The following SEPSECS variants were observed in gnomAD, a reference collection of about 807,000 sequenced individuals.
SEPSECS encodes Sep (O-phosphoserine) tRNA:Sec (selenocysteine) tRNA synthase, also known as O-phosphoseryl-tRNA(Sec) selenium transferase.
SEPSECS carries 42 observed loss-of-function variants against 52.1 expected under a neutral mutation model. That is an observed-to-expected ratio of 0.81 (90% CI 0.63 to 1.04). The LOEUF (loss-of-function observed/expected upper bound fraction) is 1.04. Ranked by LOEUF, SEPSECS falls within the 50% of genes least tolerant of loss-of-function variation. The probability of loss-of-function intolerance (pLI) is 0.00; values close to 1 mark genes in which losing one functional copy is unlikely to be tolerated. For synonymous variants in SEPSECS, 216 were observed against 211.4 expected (o/e 1.02, Z -0.19); for missense variants, 590 against 610.6 (o/e 0.97, Z 0.36).
intron 5 of SEPSECS, among the ~76,000 whole-genome samples, chr4:25,154,117 G>A (rs1320875028): frequency 6.6e-6 from 1 of 152,052 alleles, no homozygotes; most frequent in African/African-American, 2.4e-5. Context: ...CAAAGCATAT[G>A]AAAAGTAATC....
At chr4:25,144,719 T>G in intron 8 of SEPSECS, 55 bp downstream of exon 8, 2 of 1,248,380 alleles carry the variant, frequency 1.6e-6, no homozygotes, top group Non-Finnish European at 1.2e-6. Flanking sequence ...ACACCAATGA[T>G]TTGGAGCACA....
At position 25,124,190 on chromosome 4, in the gene SEPSECS, C is replaced by T; in HGVS notation, c.1247G>A (p.Gly416Asp). Reference sequence around the variant, plus strand: ...TGACATAAAGCCTCTGAAAGTATAGCCACTCACAGTTTGCATGGACCCAAG... The same window carrying T: ...TGACATAAAGCCTCTGAAAGTATAGTCACTCACAGTTTGCATGGACCCAAG... The part of the protein sequence containing the change: ...VPLGSMQTVS[G>D]YTFRGFMSHT... The change falls in exon 11 of 11, where the codon GGC (glycine) becomes GAC (aspartate). Residue 416 changes from glycine to aspartate, a missense_variant. By Grantham distance (94) the Gly-to-Asp change is moderately conservative. Transcript: ENST00000382103. The T allele has an allele frequency of 6.2e-7, 1 of 1,613,476 alleles. No individual in the cohort carries two copies. The highest frequency in any genetic ancestry group is 8.5e-7 in the Non-Finnish European group (1 of 1,179,640).
Position 25,122,529 on chromosome 4 carries a change from C to T in SEPSECS, c.*1402G>A, listed in dbSNP as rs1340453076. On this transcript the variant is annotated 3_prime_UTR_variant, in exon 11 of 11. Transcript: ENST00000382103. ...CTCTTTGGATAAGGATATATTAAAA[C>T]TGGGTTATTTAGTGAAGGAATTCTT... 4.6e-5 allele frequency: 7 copies of T among 152,234 alleles called. No individual in the cohort carries two copies. Among genetic ancestry groups the T allele is most frequent in the African/African-American group, 1.7e-4 (7 of 41,546 alleles). 9.4% of individuals were successfully genotyped at this position (152,234 alleles called of 1,614,324 possible). A position where few individuals can be genotyped will look rare whatever the true frequency, so the allele number is the denominator to read the frequency against.
intron 8 of SEPSECS, among the ~76,000 whole-genome samples, chr4:25,138,670 A>C (rs945652525): frequency 7.9e-5 from 12 of 152,166 alleles, no homozygotes; most frequent in African/African-American, 2.2e-4. Flanking sequence ...AAATGCCATA[A>C]AATATTATCT....
At position 25,152,348 on chromosome 4, in the gene SEPSECS, AT is replaced by A. The variant is rs796519380; in HGVS notation, c.702-287del. Among the ~76,000 whole-genome samples, 8 of 152,110 alleles carry A rather than the reference AT, an allele frequency of 5.3e-5. No homozygotes were observed. The South Asian group carries it at 1.7e-3, about 31-fold the overall frequency. ...ATGATAAATCATTTTAAAATTAAAA[AT>A]TCCCTAAACAGAAAGCCAGAAGATT... On this transcript the variant is annotated intron_variant, in intron 5 of 10. Transcript: ENST00000382103.
chr4:25,138,283 T>A (rs1440214878), intron 8 of SEPSECS, among the ~76,000 whole-genome samples: 4 of 152,186 alleles, frequency 2.6e-5, no homozygotes, highest in Admixed American at 2.6e-4. Context: ...AAATGACTTA[T>A]AATTTTGTAT....
At chr4:25,125,027 A>G (rs1728304628) in intron 10 of SEPSECS, among the ~76,000 whole-genome samples, 1 of 152,196 alleles carries the variant, frequency 6.6e-6, no homozygotes, top group African/African-American at 2.4e-5. Context: ...AGATGAGTTC[A>G]TCAAGGTAAA....
In SEPSECS at chr4:25,134,338, G is replaced by C. The variant is rs901354008; in HGVS notation, c.1027-6981C>G. On this transcript the variant is annotated intron_variant, in intron 8 of 10. Transcript: ENST00000382103. Reference sequence around the variant, plus strand: ...TTTAAAAATGTGTGTGTGTGTGTGTGTGTGTGTGTGTGTGTATAAAATTTG... The same window carrying C: ...TTTAAAAATGTGTGTGTGTGTGTGTCTGTGTGTGTGTGTGTATAAAATTTG... 2.6e-5 allele frequency among the ~76,000 whole-genome samples: 4 copies of C among 151,294 alleles called. No individual in the cohort carries two copies. The East Asian group carries it at 7.7e-4, about 29-fold the overall frequency.
At position 25,123,910 on chromosome 4, in the gene SEPSECS, C is replaced by A; in HGVS notation, c.*21G>T. 6.2e-7 allele frequency: 1 copy of A among 1,601,124 alleles called. No individual in the cohort carries two copies. The highest frequency in any genetic ancestry group is 1.1e-5 in the South Asian group (1 of 90,696). On this transcript the variant is annotated 3_prime_UTR_variant, in exon 11 of 11. Coordinates refer to ENST00000382103, the MANE Select transcript of SEPSECS (RefSeq NM_016955.4). ...AGCCTTATCATTTCTTTCAAATGAT[C>A]AAGAAGAAACCCTTCGCATGTCATG...
intron 8 of SEPSECS, among the ~76,000 whole-genome samples, chr4:25,132,454 AT>A (rs1728648411): frequency 6.6e-6 from 1 of 152,234 alleles, no homozygotes; most frequent in South Asian, 2.1e-4. Context: ...AAGCAAGTCC[AT>A]TTAAACAAAA....
At chr4:25,156,236 AGC>A (rs1251055485) in intron 3 of SEPSECS, 41 bp from the exon 4 acceptor site, 1 of 1,547,996 alleles carries the variant, frequency 6.5e-7, no homozygotes, top group African/African-American at 1.4e-5. Flanking sequence ...TATCCCGCTA[AGC>A]ACCCAGCATC....
In SEPSECS at chr4:25,122,314, T is replaced by G. The variant is rs2109474402; in HGVS notation, c.*1617A>C. 3 of 152,256 alleles carry G rather than the reference T, an allele frequency of 2.0e-5. No individual in the cohort carries two copies. Among genetic ancestry groups the G allele is most frequent in the African/African-American group, 7.2e-5 (3 of 41,576 alleles). 9.4% of individuals were successfully genotyped at this position (152,256 alleles called of 1,614,324 possible). ...CCTTACACATGTCTGACCTCATGTT[T>G]ACAAACAGTCTGGGACAATGTACAA... On this transcript the variant is annotated 3_prime_UTR_variant, in exon 11 of 11. Transcript: ENST00000382103.
chr4:25,159,778 AC>A, intron 1 of SEPSECS: 1 of 1,095,638 alleles, frequency 9.1e-7, no homozygotes, highest in South Asian at 2.0e-5. Flanking sequence ...TTTCAAAAAA[AC>A]AAAACACAAC....
chr4:25,131,138 T>G (rs988359747), intron 8 of SEPSECS, among the ~76,000 whole-genome samples: 7 of 152,220 alleles, frequency 4.6e-5, no homozygotes, highest in Admixed American at 1.3e-4. Context: ...TGAATTATAT[T>G]AAGCATTATC....
intron 8 of SEPSECS, among the ~76,000 whole-genome samples, chr4:25,134,296 T>G (rs1323693527): frequency 1.3e-5 from 2 of 149,156 alleles, no homozygotes; most frequent in Non-Finnish European, 3.0e-5. Context: ...CTGAGCAGCA[T>G]AGCAAGACCC....
chr4:25,159,785 A>C, intron 1 of SEPSECS: 1 of 1,096,932 alleles, frequency 9.1e-7, no homozygotes, highest in Non-Finnish European at 1.1e-6. Flanking sequence ...AAAACAAAAC[A>C]CAACAAAACT....
At position 25,123,882 on chromosome 4, in the gene SEPSECS, T is replaced by G. The variant is rs377381566; in HGVS notation, c.*49A>C. 1.3e-5 allele frequency: 19 copies of G among 1,484,886 alleles called. No homozygotes were observed. The highest frequency in any genetic ancestry group is 1.8e-5 in the Non-Finnish European group (19 of 1,063,814). The allele number at this position is 1,484,886 out of a possible 1,614,324, so 92.0% of individuals were successfully genotyped here. On this transcript the variant is annotated 3_prime_UTR_variant, in exon 11 of 11. Coordinates refer to ENST00000382103, the MANE Select transcript of SEPSECS (RefSeq NM_016955.4). Reference sequence around the variant, plus strand: ...TTATCTTTAAACTGCTTGCTTGTACTACAGCCTTATCATTTCTTTCAAATG... The same window carrying G: ...TTATCTTTAAACTGCTTGCTTGTACGACAGCCTTATCATTTCTTTCAAATG...
At chr4:25,156,995 A>G in intron 2 of SEPSECS, 21 bp from the exon 3 acceptor site, 1 of 1,246,536 alleles carries the variant, frequency 8.0e-7, no homozygotes, top group Non-Finnish European at 1.2e-6. Context: ...AATGGGCCAA[A>G]AACTGGACAA....
At chr4:25,155,567 T>C (rs927645169) in intron 4 of SEPSECS, among the ~76,000 whole-genome samples, 1 of 152,338 alleles carries the variant, frequency 6.6e-6, no homozygotes, top group African/African-American at 2.4e-5. Context: ...TTCATTTTAT[T>C]TCAGAGATGG....
Sources: gnomAD v4.1 joint callset for allele counts (sites outside exome capture counted in the v4.1 genomes callset) on GRCh38, gnomAD v4.1.1 for gene constraint, MANE v1.5 for transcripts, NCBI Gene and HGNC (gene_info 2026-07-23, HGNC 2026-07-21) for gene names.